The following PIBF1 variants were observed in gnomAD, a reference collection of about 807,000 sequenced individuals.
PIBF1 encodes the protein progesterone immunomodulatory binding factor 1, also known as progesterone-induced-blocking factor 1.
A neutral mutation model predicts 112.5 loss-of-function variants in PIBF1; 90 were observed. The ratio of observed to expected loss-of-function variants is 0.80; its 90% CI spans 0.67 to 0.95. The LOEUF (loss-of-function observed/expected upper bound fraction) is 0.95, where lower values mean the gene tolerates loss of function less well. PIBF1 is among the 40% of genes least tolerant of loss of function. The pLI is 0.00. For synonymous variants in PIBF1, 301 were observed against 288.6 expected (o/e 1.04, Z -0.44); for missense variants, 915 against 852.3 (o/e 1.07, Z -0.92).
intron 8 of PIBF1, among the ~76,000 whole-genome samples, chr13:72,831,325 G>T (rs1204892240): frequency 2.0e-5 from 3 of 151,922 alleles, no homozygotes; most frequent in African/African-American, 7.2e-5. Context: ...TTTGTTTGCT[G>T]TTGCTTCTCT....
rs185825966 is a variant in PIBF1, at chr13:72,862,970, G to A, written c.1322+8815G>A. ...ACATAAAAATAATAGAAGTAGAGGC[G>A]AAATAGCAGAAACTTGCAACTAAAA... On this transcript the variant is annotated intron_variant, in intron 10 of 17. Coordinates refer to ENST00000326291, the MANE Select transcript of PIBF1 (RefSeq NM_006346.4). Among the ~76,000 whole-genome samples, 119 of 151,544 alleles carry A rather than the reference G, an allele frequency of 7.9e-4. No homozygotes were observed. In the Middle Eastern group the frequency reaches 0.01, roughly 13 times the overall value.
intron 10 of PIBF1, among the ~76,000 whole-genome samples, chr13:72,882,215 A>T (rs1043048377): frequency 1.3e-5 from 2 of 152,228 alleles, no homozygotes; most frequent in East Asian, 1.9e-4. Context: ...TCTATAGATT[A>T]TACTGGGAAA....
chr13:73,003,591 T>C (rs2043942461), intron 17 of PIBF1, among the ~76,000 whole-genome samples: 1 of 151,954 alleles, frequency 6.6e-6, no homozygotes, highest in Non-Finnish European at 1.5e-5. Context: ...TCAAGAAGCA[T>C]TTACTGACTA....
intron 14 of PIBF1, among the ~76,000 whole-genome samples, chr13:72,943,995 G>A (rs1350605522): frequency 1.3e-5 from 2 of 152,176 alleles, no homozygotes; most frequent in East Asian, 3.9e-4. Context: ...TAATCACTCG[G>A]TAAATGTAGG....
At chr13:72,946,926 T>G (rs946392972) in intron 14 of PIBF1, among the ~76,000 whole-genome samples, 7 of 152,072 alleles carry the variant, frequency 4.6e-5, no homozygotes, top group Admixed American at 3.3e-4. Flanking sequence ...CAGTGCAAGG[T>G]GTTAGTAGAT....
Position 73,001,582 on chromosome 13 carries a change from C to CT in PIBF1, c.2223+2605dup, listed in dbSNP as rs10645002. On this transcript the variant is annotated intron_variant, in intron 17 of 17. Transcript: ENST00000326291. Reference sequence around the variant, plus strand: ...CAGAGGAGGAGAAATAAGAGCTTGACTTTTTTTTTTTTTTTTTTGACACTT... The same window carrying CT: ...CAGAGGAGGAGAAATAAGAGCTTGACTTTTTTTTTTTTTTTTTTTGACACTT... 1.1e-3 allele frequency among the ~76,000 whole-genome samples: 32 copies of CT among 29,172 alleles called. 2 individuals are homozygous for CT. Among genetic ancestry groups the CT allele is most frequent in the Admixed American group, 1.5e-3 (2 of 1,314 alleles). The allele number at this position is 29,172 out of a possible 152,430, so 19.1% of individuals were successfully genotyped here. A position where few individuals can be genotyped will look rare whatever the true frequency, so the allele number is the denominator to read the frequency against.
At chr13:72,986,321 G>A (rs1242560009) in intron 16 of PIBF1, among the ~76,000 whole-genome samples, 1 of 152,170 alleles carries the variant, frequency 6.6e-6, no homozygotes, top group African/African-American at 2.4e-5. Context: ...AGCAGAGTGG[G>A]GAAAGTAGTG....
At position 72,857,803 on chromosome 13, in the gene PIBF1, G is replaced by A. The variant is rs191411693; in HGVS notation, c.1322+3648G>A. ...TGCAGTGAGCCGAGATTGCACCATT[G>A]CACTCCAGCCTGGGCTACAAGAGTG... On this transcript the variant is annotated intron_variant, in intron 10 of 17. Coordinates refer to ENST00000326291, the MANE Select transcript of PIBF1 (RefSeq NM_006346.4). Among the ~76,000 whole-genome samples the A allele has an allele frequency of 2.8e-3, 430 of 152,238 alleles. 4 individuals are homozygous for A. Among genetic ancestry groups the A allele is most frequent in the African/African-American group, 0.01 (419 of 41,554 alleles).
rs1301409933 is a variant in PIBF1 at position 72,900,674 on chromosome 13, T to C, written c.1488+6725T>C. Among the ~76,000 whole-genome samples the C allele has an allele frequency of 2.0e-5, 3 of 152,132 alleles. No individual in the cohort carries two copies. In the South Asian group the frequency reaches 6.2e-4, roughly 31 times the overall value. On this transcript the variant is annotated intron_variant, in intron 11 of 17. Coordinates refer to ENST00000326291, the MANE Select transcript of PIBF1 (RefSeq NM_006346.4). ...GGAACCTAACATCAGAAAACCCTTCTAGGCATTGGCTTAGGCAAGGATTCC... is the reference window on the plus strand; with the variant it reads ...GGAACCTAACATCAGAAAACCCTTCCAGGCATTGGCTTAGGCAAGGATTCC...
chr13:72,837,638 C>G (rs996197092), intron 9 of PIBF1, among the ~76,000 whole-genome samples: 1 of 152,122 alleles, frequency 6.6e-6, no homozygotes, highest in African/African-American at 2.4e-5. Context: ...CTCCTGTCTT[C>G]CATAACTGCT....
chr13:72,813,576 C>T (rs1432659419), intron 5 of PIBF1, among the ~76,000 whole-genome samples: 5 of 152,156 alleles, frequency 3.3e-5, no homozygotes, highest in Admixed American at 6.5e-5. Context: ...CAAAACATTA[C>T]TCCCTTTTGC....
At chr13:72,916,397 A>AAT (rs10665584) in intron 12 of PIBF1, among the ~76,000 whole-genome samples, 67,152 of 137,882 alleles carry the variant, frequency 0.49, 16,662 homozygotes, top group East Asian at 0.72. Flanking sequence ...CATCTCAAAA[A>AAT]ATATATATAT....
At chr13:73,012,276 T>C (rs968625559) in intron 17 of PIBF1, among the ~76,000 whole-genome samples, 3 of 151,966 alleles carry the variant, frequency 2.0e-5, no homozygotes, top group Admixed American at 2.0e-4. Context: ...TGCTTGAACC[T>C]GGGAGGCCAA....
intron 12 of PIBF1, among the ~76,000 whole-genome samples, chr13:72,914,149 A>G (rs985162425): frequency 2.0e-5 from 3 of 152,170 alleles, no homozygotes; most frequent in African/African-American, 4.8e-5. Context: ...ATTGTATACA[A>G]TTTTCAAAGG....
intron 10 of PIBF1, among the ~76,000 whole-genome samples, chr13:72,891,947 A>G (rs937726638): frequency 7.9e-5 from 12 of 152,132 alleles, no homozygotes; most frequent in African/African-American, 2.9e-4. Context: ...CACATATTAT[A>G]TGATTCCATT....
At position 72,838,706 on chromosome 13, in the gene PIBF1, C is replaced by A. The variant is rs991348105; in HGVS notation, c.1223+3338C>A. ...ACTCAGCTGTTGTTACAGGCACATA[C>A]CCCCAAGTTAGGTTTTCTATCTTGT... On this transcript the variant is annotated intron_variant, in intron 9 of 17. Transcript: ENST00000326291. 3.3e-5 allele frequency among the ~76,000 whole-genome samples: 5 copies of A among 152,128 alleles called. No homozygotes were observed. In the East Asian group the frequency reaches 9.6e-4, roughly 29 times the overall value.
At chr13:72,988,249 T>C (rs2043368907) in intron 16 of PIBF1, among the ~76,000 whole-genome samples, 2 of 152,118 alleles carry the variant, frequency 1.3e-5, no homozygotes, top group African/African-American at 4.8e-5. Context: ...TAAATTATTA[T>C]GTAAGATACT....
At chr13:73,005,442 C>G (rs2044002759) in intron 17 of PIBF1, among the ~76,000 whole-genome samples, 1 of 151,388 alleles carries the variant, frequency 6.6e-6, no homozygotes, top group Non-Finnish European at 1.5e-5. Flanking sequence ...CCACTGCCCT[C>G]AACCCTGGAT....
intron 13 of PIBF1, among the ~76,000 whole-genome samples, chr13:72,921,230 G>C (rs2041278557): frequency 1.3e-5 from 2 of 152,014 alleles, no homozygotes; most frequent in East Asian, 3.9e-4. Context: ...AGCCTCCCAA[G>C]TAGCTGGGAC....
Sources: allele counts gnomAD v4.1 joint callset (sites outside exome capture counted in the v4.1 genomes callset), GRCh38; gene constraint gnomAD v4.1.1; transcripts MANE v1.5; gene names NCBI Gene and HGNC (gene_info 2026-07-23, HGNC 2026-07-21).